Variants in CIB2 observed in about 807,000 individuals in gnomAD.
CIB2 encodes calcium and integrin binding family member 2, also known as calcium and integrin-binding family member 2.
CIB2 carries 19 observed loss-of-function variants against 23.1 expected under a neutral mutation model. The ratio of observed to expected loss-of-function variants is 0.82; its 90% CI spans 0.57 to 1.21. The LOEUF is 1.21. Ranked by LOEUF, CIB2 falls within the 50% of genes most tolerant of loss-of-function variation. The pLI, the probability that CIB2 is intolerant of heterozygous loss-of-function variation, is 0.00. For missense variants in CIB2, 220 were observed against 241.5 expected (o/e 0.91, Z 0.59); for synonymous variants, 94 against 91.7 (o/e 1.03, Z -0.14).
At chr15:78,128,682 G>A (rs1381788714) in intron 1 of CIB2, among the ~76,000 whole-genome samples, 6 of 147,566 alleles carry the variant, frequency 4.1e-5, no homozygotes, top group African/African-American at 7.6e-5. Context: ...CAGGGCGAGC[G>A]AGACTCCGTC....
At chr15:78,110,431 C>T (rs1424563487) in intron 3 of CIB2, among the ~76,000 whole-genome samples, 1 of 152,184 alleles carries the variant, frequency 6.6e-6, no homozygotes, top group Admixed American at 6.5e-5. Context: ...GAGGTCACAA[C>T]CAGAGTGCAG....
chr15:78,123,007 G>A (rs1021014001), intron 2 of CIB2, among the ~76,000 whole-genome samples: 3 of 152,178 alleles, frequency 2.0e-5, no homozygotes, highest in Admixed American at 2.0e-4. Flanking sequence ...AGTGAGGCCC[G>A]TGGGGCAGTT....
At chr15:78,111,778 T>C (rs74408423) in intron 2 of CIB2, among the ~76,000 whole-genome samples, 5,335 of 152,194 alleles carry the variant, frequency 0.035, 137 homozygotes, top group East Asian at 0.15. Context: ...GGGCCATGGG[T>C]TGAGCCCAAG....
At chr15:78,111,370 A>G in intron 2 of CIB2, 94 bp from the exon 3 acceptor site, 1 of 971,862 alleles carries the variant, frequency 1.0e-6, no homozygotes, top group South Asian at 1.6e-5. Context: ...GCCTCTGCAG[A>G]ACATCCTCAG....
chr15:78,109,190 G>GC (rs1567049762), intron 4 of CIB2, 45 bp downstream of exon 4: 1 of 1,330,560 alleles, frequency 7.5e-7, no homozygotes, highest in Non-Finnish European at 1.0e-6. Context: ...GGCCCCACAT[G>GC]TTCCCCCACC....
chr15:78,131,078 C>A lies in CIB2; in HGVS notation c.51+87G>T. ...GGGTTTGAACCTGGGAGAGCTGGCT[C>A]TCGGGAGGCCTCGGCCAGCGACCGA... On this transcript the variant is annotated intron_variant, in intron 1 of 5. Coordinates refer to ENST00000258930, the MANE Select transcript of CIB2 (RefSeq NM_006383.4). The surrounding 1 kb of genome is among the most constrained non-coding windows in gnomAD (Gnocchi z 5.8). 8.1e-7 allele frequency: 1 copy of A among 1,241,928 alleles called. No homozygotes were observed. The highest frequency in any genetic ancestry group is 1.1e-6 in the Non-Finnish European group (1 of 901,564). The allele number at this position is 1,241,928 out of a possible 1,614,324, so 76.9% of individuals were successfully genotyped here.
chr15:78,125,359 C>T (rs2074368342), intron 1 of CIB2, among the ~76,000 whole-genome samples: 1 of 152,166 alleles, frequency 6.6e-6, no homozygotes, highest in Non-Finnish European at 1.5e-5. Flanking sequence ...CTGGAGGAGG[C>T]AGTCAGCAGA....
chr15:78,104,821 C>T lies in CIB2; in HGVS notation c.*490G>A, dbSNP rs574359075. 22 of 166,764 alleles carry T rather than the reference C, an allele frequency of 1.3e-4. No homozygotes were observed. The highest frequency in any genetic ancestry group is 2.1e-4 in the Non-Finnish European group (16 of 75,420). 10.3% of individuals were successfully genotyped at this position (166,764 alleles called of 1,614,324 possible). The stretch of plus-strand genomic sequence containing the variant: ...CACAGCTTCACATTGTGAAGGAGGC[C>T]GGGAGAAGGGGAACAGGCAGGGGTG... On this transcript the variant is annotated 3_prime_UTR_variant, in exon 6 of 6. Transcript: ENST00000258930. The surrounding 1 kb of genome is among the most constrained non-coding windows in gnomAD (Gnocchi z 4.4).
chr15:78,120,552 A>C, intron 2 of CIB2: 1 of 985,344 alleles, frequency 1.0e-6, no homozygotes, highest in East Asian at 1.1e-4. Context: ...GGGAAGTTGA[A>C]GTGCTAAGCT....
At chr15:78,120,362 A>G (rs894905949) in intron 2 of CIB2, among the ~76,000 whole-genome samples, 62 of 152,320 alleles carry the variant, frequency 4.1e-4, no homozygotes, top group African/African-American at 1.5e-3. Context: ...ATCATTATGT[A>G]TATGTGTAGT....
chr15:78,121,919 G>T (rs571447516), intron 2 of CIB2, among the ~76,000 whole-genome samples: 204 of 152,302 alleles, frequency 1.3e-3, no homozygotes, highest in African/African-American at 4.6e-3. Flanking sequence ...CTGTCAATGA[G>T]ACCACGGGAG....
At chr15:78,121,061 AG>A (rs544104811) in intron 2 of CIB2, among the ~76,000 whole-genome samples, 133 of 152,260 alleles carry the variant, frequency 8.7e-4, no homozygotes, top group African/African-American at 3.0e-3. Flanking sequence ...AGAAAAGCGA[AG>A]GGGGGTGAAA....
intron 3 of CIB2, chr15:78,110,518 C>A (rs544048590): frequency 1.3e-5 from 5 of 391,012 alleles, no homozygotes; most frequent in Non-Finnish European, 2.0e-5. Flanking sequence ...GGGCTACTGA[C>A]GAAGTCCCAC....
intron 1 of CIB2, among the ~76,000 whole-genome samples, chr15:78,125,621 T>C (rs1027772620): frequency 2.6e-5 from 4 of 152,180 alleles, no homozygotes. Context: ...CACTGGGAAC[T>C]TGGTGAAAAT....
intron 1 of CIB2, among the ~76,000 whole-genome samples, chr15:78,127,325 T>C (rs562047816): frequency 1.6e-4 from 24 of 152,236 alleles, no homozygotes; most frequent in Non-Finnish European, 2.6e-4. Flanking sequence ...CATCACTGCT[T>C]GGTTCCTGAC....
chr15:78,113,723 G>C (rs1229355470), intron 2 of CIB2, among the ~76,000 whole-genome samples: 3 of 152,044 alleles, frequency 2.0e-5, no homozygotes, highest in Non-Finnish European at 1.5e-5. Flanking sequence ...GTAGAGATGG[G>C]GTTTCACCGT....
chr15:78,121,980 C>T, intron 2 of CIB2, among the ~76,000 whole-genome samples: 1 of 152,166 alleles, frequency 6.6e-6, no homozygotes, highest in Non-Finnish European at 1.5e-5. Context: ...CTCACCTCTG[C>T]TGCTCCCCAG....
intron 1 of CIB2, among the ~76,000 whole-genome samples, chr15:78,130,792 C>T (rs1212347957): frequency 1.3e-5 from 2 of 152,192 alleles, no homozygotes; most frequent in African/African-American, 4.8e-5. Context: ...GGGCTCCTTC[C>T]TGGGGCTGGG....
intron 2 of CIB2, among the ~76,000 whole-genome samples, chr15:78,113,595 ATCTC>A (rs1225299779): frequency 1.3e-5 from 2 of 149,854 alleles, no homozygotes; most frequent in African/African-American, 4.9e-5. Context: ...CAGTGGCGCG[ATCTC>A]GGCTCACTGC....
Sources: gnomAD v4.1 joint callset for allele counts (sites outside exome capture counted in the v4.1 genomes callset) on GRCh38, gnomAD v4.1.1 for gene constraint, Gnocchi (gnomAD v3.1) non-coding constraint, MANE v1.5 for transcripts, NCBI Gene and HGNC (gene_info 2026-07-23, HGNC 2026-07-21) for gene names.